Variants in VSNL1 observed in about 807,000 individuals in gnomAD.
VSNL1 encodes the protein visinin-like protein 1.
In VSNL1, 6 loss-of-function variants were observed where a neutral mutation model predicts 20.4. That is an observed-to-expected ratio of 0.29 (90% confidence interval 0.16 to 0.58). VSNL1 has a LOEUF of 0.58. Among genes scored for constraint, VSNL1 ranks in the 20% least tolerant of loss-of-function variants. The probability of loss-of-function intolerance (pLI) is 0.90; values close to 1 mark genes in which losing one functional copy is unlikely to be tolerated. For synonymous variants in VSNL1, 93 were observed against 86.4 expected, an observed-to-expected ratio of 1.08 and a Z score of -0.42; for missense variants, 100 against 234.5, an observed-to-expected ratio of 0.43 and a Z score of 3.75.
chr2:17,556,902 C>G (rs983228017), intron 1 of VSNL1, among the ~76,000 whole-genome samples: 3 of 152,180 alleles, frequency 2.0e-5, no homozygotes, highest in African/African-American at 7.2e-5. Flanking sequence ...GAGCTTACAT[C>G]TGCCTGAGTT....
At chr2:17,581,429 T>C (rs1164105720) in intron 1 of VSNL1, among the ~76,000 whole-genome samples, 2 of 152,272 alleles carry the variant, frequency 1.3e-5, no homozygotes, top group Non-Finnish European at 2.9e-5. Flanking sequence ...TCACTTTTAA[T>C]GGCTTCATAA....
intron 1 of VSNL1, among the ~76,000 whole-genome samples, chr2:17,568,216 T>A (rs1663999341): frequency 6.6e-6 from 1 of 152,226 alleles, no homozygotes; most frequent in Non-Finnish European, 1.5e-5. Context: ...ACCACTGTTT[T>A]GATACCTATT....
intron 2 of VSNL1, among the ~76,000 whole-genome samples, chr2:17,614,681 T>C (rs1258688627): frequency 6.6e-6 from 1 of 152,216 alleles, no homozygotes; most frequent in East Asian, 1.9e-4. Context: ...CTCTAAGCAA[T>C]CACTCTGCAT....
At chr2:17,581,468 T>C (rs937388984) in intron 1 of VSNL1, among the ~76,000 whole-genome samples, 1 of 152,258 alleles carries the variant, frequency 6.6e-6, no homozygotes, top group South Asian at 2.1e-4. Flanking sequence ...AAGAAATTTA[T>C]TTAGCCAGTT....
chr2:17,613,387 A>G (rs931757123), intron 2 of VSNL1, among the ~76,000 whole-genome samples: 1 of 152,242 alleles, frequency 6.6e-6, no homozygotes, highest in African/African-American at 2.4e-5. Flanking sequence ...TGAATTATAC[A>G]TGTACCTACA....
At chr2:17,624,458 G>C (rs1311427572) in intron 2 of VSNL1, among the ~76,000 whole-genome samples, 1 of 152,202 alleles carries the variant, frequency 6.6e-6, no homozygotes, top group East Asian at 1.9e-4. Context: ...GGTCATTTAT[G>C]GTAGTAGATA....
intron 1 of VSNL1, among the ~76,000 whole-genome samples, chr2:17,566,665 A>T (rs1201630026): frequency 6.6e-6 from 1 of 152,126 alleles, no homozygotes; most frequent in Non-Finnish European, 1.5e-5. Flanking sequence ...CACTTATTTA[A>T]CTTTGTTTAT....
At chr2:17,589,945 C>A (rs538786985) in intron 1 of VSNL1, among the ~76,000 whole-genome samples, 23 of 142,310 alleles carry the variant, frequency 1.6e-4, no homozygotes, top group African/African-American at 5.5e-4. Context: ...TCCCTGCTTT[C>A]GCTCTTCCTG....
chr2:17,643,894 G>C (rs1665935428), intron 2 of VSNL1, among the ~76,000 whole-genome samples: 1 of 152,150 alleles, frequency 6.6e-6, no homozygotes, highest in Admixed American at 6.5e-5. Context: ...GAGTGAAAGC[G>C]GCCCCGGGAC....
chr2:17,637,815 T>C (rs997115970), intron 2 of VSNL1, among the ~76,000 whole-genome samples: 3 of 152,214 alleles, frequency 2.0e-5, no homozygotes, highest in Admixed American at 6.5e-5. Context: ...TGCAGTGCCT[T>C]GCACAGCACT....
chr2:17,549,705 C>G (rs1204546887), intron 1 of VSNL1, among the ~76,000 whole-genome samples: 1 of 152,156 alleles, frequency 6.6e-6, no homozygotes, highest in Admixed American at 6.5e-5. Flanking sequence ...CTTCGATATT[C>G]CCAGTGCTCA....
intron 1 of VSNL1, among the ~76,000 whole-genome samples, chr2:17,573,646 G>C (rs1572340580): frequency 1.3e-5 from 2 of 152,184 alleles, no homozygotes; most frequent in East Asian, 3.8e-4. Flanking sequence ...AGACAGAGAT[G>C]AGGTCCTGCC....
At chr2:17,620,948 A>G (rs1665341073) in intron 2 of VSNL1, among the ~76,000 whole-genome samples, 1 of 152,252 alleles carries the variant, frequency 6.6e-6, no homozygotes, top group South Asian at 2.1e-4. Context: ...ACATCCAAGC[A>G]TAATAAAACC....
chr2:17,645,935 A>T (rs1665981465), intron 2 of VSNL1, among the ~76,000 whole-genome samples: 1 of 152,228 alleles, frequency 6.6e-6, no homozygotes, highest in African/African-American at 2.4e-5. Flanking sequence ...AGCAGCCTGT[A>T]TATTAGGATG....
intron 3 of VSNL1, among the ~76,000 whole-genome samples, chr2:17,651,794 T>C (rs1339862283): frequency 6.6e-6 from 1 of 152,236 alleles, no homozygotes; most frequent in African/African-American, 2.4e-5. Context: ...TCTCACCTGA[T>C]TATGGGTCAC....
chr2:17,650,607 C>A lies in VSNL1; in HGVS notation c.378+982C>A, dbSNP rs1196929149. Among the ~76,000 whole-genome samples the A allele has an allele frequency of 3.9e-5, 6 of 152,212 alleles. No individual in the cohort carries two copies. In the East Asian group the frequency reaches 1.2e-3, roughly 29 times the overall value. Reference sequence around the variant, plus strand: ...TGAAGGTAGAGCCAGGTGCTCCATCCTGGAGCTGGGGGGATGCCCCATCCA... The same window carrying A: ...TGAAGGTAGAGCCAGGTGCTCCATCATGGAGCTGGGGGGATGCCCCATCCA... On this transcript the variant is annotated intron_variant, in intron 3 of 3. Transcript: ENST00000295156.
intron 1 of VSNL1, among the ~76,000 whole-genome samples, chr2:17,585,008 A>G (rs372081837): frequency 6.6e-6 from 1 of 152,158 alleles, no homozygotes. Flanking sequence ...TCGCCCTAAC[A>G]TTGCCACTGC....
chr2:17,593,933 G>A (rs1279301963), intron 2 of VSNL1, among the ~76,000 whole-genome samples: 1 of 152,138 alleles, frequency 6.6e-6, no homozygotes, highest in African/African-American at 2.4e-5. Context: ...AGACAAACAA[G>A]GTTTTTCAAA....
intron 1 of VSNL1, among the ~76,000 whole-genome samples, chr2:17,586,529 T>C (rs1664478203): frequency 6.6e-6 from 1 of 152,216 alleles, no homozygotes; most frequent in African/African-American, 2.4e-5. Flanking sequence ...ACTATGAGTA[T>C]TCATTTCATC....
Sources: gnomAD v4.1 joint callset for allele counts (sites outside exome capture counted in the v4.1 genomes callset) on GRCh38, gnomAD v4.1.1 for gene constraint, MANE v1.5 for transcripts, NCBI Gene and HGNC (gene_info 2026-07-23, HGNC 2026-07-21) for gene names.